Variants in STMN1 observed in about 807,000 individuals in gnomAD.
STMN1 encodes the protein stathmin.
STMN1 carries 3 observed loss-of-function variants against 19.7 expected under a neutral mutation model. The ratio of observed to expected loss-of-function variants is 0.15; its 90% CI spans 0.07 to 0.39. STMN1 has a LOEUF of 0.39. Ranked by LOEUF, STMN1 falls within the 10% of genes least tolerant of loss-of-function variation. STMN1 has a pLI of 1.00. For missense variants in STMN1, 99 were observed against 176.0 expected (o/e 0.56, Z 2.48); for synonymous variants, 59 against 58.9 (o/e 1.00, Z -0.01).
chr1:25,895,486 T>G (rs574421491), downstream of STMN1, among the ~76,000 whole-genome samples: 8 of 152,270 alleles, frequency 5.3e-5, no homozygotes, highest in South Asian at 1.4e-3. Flanking sequence ...GGACTGCAAA[T>G]GCTGGGCCTC....
downstream of STMN1, chr1:25,884,785 A>C (rs2048708543): frequency 6.5e-6 from 1 of 153,428 alleles, no homozygotes. Flanking sequence ...TTTGGCAGCA[A>C]TTTCATCAGC....
At chr1:25,900,061 G>T (rs146550742), downstream of STMN1, 1 of 984,084 alleles carries the variant, frequency 1.0e-6, no homozygotes, top group South Asian at 4.7e-5. Flanking sequence ...TTAACCACCC[G>T]AGTCAAATGC....
exon 5 of STMN1, chr1:25,885,681 C>T: frequency 6.5e-7 from 1 of 1,531,736 alleles, no homozygotes; most frequent in Non-Finnish European, 8.8e-7. Flanking sequence ...TCATCAGTCT[C>T]AAGGTCATTG....
downstream of STMN1, chr1:25,884,750 G>A (rs1357678511): frequency 1.3e-5 from 2 of 152,050 alleles, no homozygotes; most frequent in African/African-American, 4.9e-5. Flanking sequence ...GAGAAATAAA[G>A]GGCCTTGCCA....
exon 5 of STMN1, chr1:25,885,673 A>G (rs2048715064): frequency 5.3e-6 from 8 of 1,507,420 alleles, no homozygotes; most frequent in Non-Finnish European, 7.1e-6. Flanking sequence ...CAGACTGTTC[A>G]TCAGTCTCAA....
intron 2 of STMN1, among the ~76,000 whole-genome samples, chr1:25,904,313 T>A (rs1362544703): frequency 1.3e-5 from 2 of 152,130 alleles, no homozygotes; most frequent in Non-Finnish European, 2.9e-5. Flanking sequence ...GGCAACAAGG[T>A]GAGACCCTGT....
At chr1:25,896,809 A>T (rs2048821305), downstream of STMN1, among the ~76,000 whole-genome samples, 1 of 152,150 alleles carries the variant, frequency 6.6e-6, no homozygotes, top group Admixed American at 6.5e-5. Context: ...CCTTCGTTTC[A>T]CCTGGGCAAA....
chr1:25,894,580 T>G (rs1196452160), intron 4 of STMN1, among the ~76,000 whole-genome samples: 1 of 152,096 alleles, frequency 6.6e-6, no homozygotes, highest in Non-Finnish European at 1.5e-5. Context: ...CTCTGGAAAT[T>G]GAGGTTGGAG....
intron 4 of STMN1, among the ~76,000 whole-genome samples, chr1:25,892,096 A>T (rs935203287): frequency 8.5e-5 from 13 of 152,234 alleles, no homozygotes; most frequent in African/African-American, 3.1e-4. Flanking sequence ...AATTAAAATT[A>T]AAAATAAATT....
At chr1:25,898,903 T>A (rs1365515499), downstream of STMN1, among the ~76,000 whole-genome samples, 1 of 152,166 alleles carries the variant, frequency 6.6e-6, no homozygotes, top group South Asian at 2.1e-4. Flanking sequence ...CCAAGCCAGA[T>A]GCAAAGAATG....
rs904723451 is a variant in STMN1 at position 25,900,307 on chromosome 1, CAG to C, written c.*707_*708del. The stretch of plus-strand genomic sequence containing the variant: ...TTTAATCTGCCTTTTAAAAGGGACA[CAG>C]AACAAAAAATGGTTGTTTGCAAATA... On this transcript the variant is annotated 3_prime_UTR_variant, in exon 5 of 5. Coordinates refer to ENST00000455785, the MANE Select transcript of STMN1 (RefSeq NM_005563.4). 1.8e-4 allele frequency: 180 copies of C among 985,548 alleles called. 1 individual carries two copies. The highest frequency in any genetic ancestry group is 5.2e-4 in the Middle Eastern group (1 of 1,936). The allele number at this position is 985,548 out of a possible 1,614,324, so 61.1% of individuals were successfully genotyped here.
chr1:25,884,662 C>T (rs1307573437), downstream of STMN1: 1 of 150,882 alleles, frequency 6.6e-6, no homozygotes. Flanking sequence ...CGCCACTGCC[C>T]TCCAGCCTGG....
chr1:25,892,692 C>G, intron 4 of STMN1: 1 of 723,140 alleles, frequency 1.4e-6, no homozygotes, highest in Non-Finnish European at 1.7e-6. Flanking sequence ...GGCCTCTCAT[C>G]TAGCCTTCCT....
downstream of STMN1, among the ~76,000 whole-genome samples, chr1:25,897,756 T>C (rs1456794430): frequency 6.6e-6 from 1 of 152,184 alleles, no homozygotes; most frequent in Admixed American, 6.5e-5. Context: ...AAGCTTCTCC[T>C]ACTAGCTTAG....
exon 5 of STMN1, chr1:25,885,777 G>A (rs2048715852): frequency 5.2e-6 from 8 of 1,551,736 alleles, no homozygotes; most frequent in Non-Finnish European, 7.0e-6. Flanking sequence ...GGAGGCCCAG[G>A]GCTGGGCAAA....
chr1:25,902,284 G>A (rs556255312), intron 3 of STMN1: 1 of 152,262 alleles, frequency 6.6e-6, no homozygotes, highest in South Asian at 2.1e-4. Flanking sequence ...TGAGGAATAT[G>A]TACTTGCGAG....
downstream of STMN1, among the ~76,000 whole-genome samples, chr1:25,898,798 G>A (rs1363313398): frequency 6.6e-6 from 1 of 152,218 alleles, no homozygotes; most frequent in East Asian, 1.9e-4. Flanking sequence ...GACAGACGCA[G>A]ACTCCCGTGA....
chr1:25,890,325 A>G (rs985073240), intron 4 of STMN1, among the ~76,000 whole-genome samples: 11 of 152,156 alleles, frequency 7.2e-5, no homozygotes, highest in Admixed American at 3.3e-4. Context: ...GAGTGGTGGG[A>G]GAAACTACAG....
chr1:25,897,738 G>A (rs1205113343), downstream of STMN1, among the ~76,000 whole-genome samples: 3 of 152,174 alleles, frequency 2.0e-5, no homozygotes, highest in South Asian at 2.1e-4. Flanking sequence ...GAGCAGATCT[G>A]CCTGGGTAAG....
Sources: gnomAD v4.1 joint callset for allele counts (sites outside exome capture counted in the v4.1 genomes callset) on GRCh38, gnomAD v4.1.1 for gene constraint, MANE v1.5 for transcripts, NCBI Gene and HGNC (gene_info 2026-07-23, HGNC 2026-07-21) for gene names.